ALDH18A1: variants seen among roughly 807,000 people sequenced by gnomAD.
ALDH18A1 encodes delta-1-pyrroline-5-carboxylate synthase.
A neutral mutation model predicts 88.8 loss-of-function variants in ALDH18A1; 44 were observed. The observed-to-expected ratio is 0.50, with a 90% CI of 0.39 to 0.64. ALDH18A1 has a LOEUF of 0.64. Ranked by LOEUF, ALDH18A1 falls within the 30% of genes least tolerant of loss-of-function variation. ALDH18A1 has a pLI of 0.00. For missense variants in ALDH18A1, 782 were observed against 1,009.5 expected (o/e 0.77, Z 3.05); for synonymous variants, 331 against 372.1 (o/e 0.89, Z 1.27).
Position 95,606,335 on chromosome 10 carries a change from T to C in ALDH18A1, c.*427A>G, listed in dbSNP as rs2097822649. 4 of 1,001,832 alleles carry C rather than the reference T, an allele frequency of 4.0e-6. No individual in the cohort carries two copies. The highest frequency in any genetic ancestry group is 4.8e-6 in the Non-Finnish European group (4 of 839,288). 62.1% of individuals were successfully genotyped at this position (1,001,832 alleles called of 1,614,324 possible). On this transcript the variant is annotated 3_prime_UTR_variant, in exon 18 of 18. Coordinates refer to ENST00000371224, the MANE Select transcript of ALDH18A1 (RefSeq NM_002860.4). Reference sequence around the variant, plus strand: ...CTTTTCTAAAATTCCAAATCTTTCCTTTTTGAAGATGACTACATGTGAAAG... The same window carrying C: ...CTTTTCTAAAATTCCAAATCTTTCCCTTTTGAAGATGACTACATGTGAAAG...
intron 2 of ALDH18A1, among the ~76,000 whole-genome samples, chr10:95,646,362 A>G (rs1179967285): frequency 1.3e-5 from 2 of 152,188 alleles, no homozygotes; most frequent in Non-Finnish European, 2.9e-5. Flanking sequence ...GGTGGGTCGC[A>G]TGGTTCAGTG....
intron 3 of ALDH18A1, 122 bp from the exon 4 acceptor site, chr10:95,637,558 T>C (rs1589544526): frequency 5.1e-6 from 6 of 1,182,506 alleles, no homozygotes; most frequent in Non-Finnish European, 7.3e-6. Flanking sequence ...TGAACCAGCA[T>C]GTGGCTGGCT....
intron 16 of ALDH18A1, 101 bp downstream of exon 16, chr10:95,611,155 A>T: frequency 7.3e-7 from 1 of 1,376,216 alleles, no homozygotes; most frequent in Non-Finnish European, 1.0e-6. Context: ...CCATAAGCCT[A>T]CTCAAATGAT....
rs114393346 is a variant in ALDH18A1 at position 95,606,706 on chromosome 10, A to T, written c.*56T>A. 1,566 of 1,613,664 alleles carry T rather than the reference A, an allele frequency of 9.7e-4. 15 individuals carry two copies. In the African/African-American group the frequency reaches 0.018, roughly 19 times the overall value. On this transcript the variant is annotated 3_prime_UTR_variant, in exon 18 of 18. Coordinates refer to ENST00000371224, the MANE Select transcript of ALDH18A1 (RefSeq NM_002860.4). ...ACAAGAGCGGGCTCTCTCCTGAGATAAGACAAGTTTAACGTGAAGACCTTT... is the reference window on the plus strand; with the variant it reads ...ACAAGAGCGGGCTCTCTCCTGAGATTAGACAAGTTTAACGTGAAGACCTTT...
Position 95,611,358 on chromosome 10 carries a change from C to G in ALDH18A1, c.2008G>C (p.Asp670His). 1 of 1,614,192 alleles carries G rather than the reference C, an allele frequency of 6.2e-7. No homozygotes were observed. The highest frequency in any genetic ancestry group is 8.5e-7 in the Non-Finnish European group (1 of 1,180,036). The change falls in exon 16 of 18, where the codon GAC becomes CAC. Residue 670 changes from aspartate to histidine, a missense_variant. By Grantham distance (81) the Asp-to-His change is moderately conservative. Coordinates refer to ENST00000371224, the MANE Select transcript of ALDH18A1 (RefSeq NM_002860.4). ...ACTACTTCAATGCATAATTCCAGGT[C>G]CCCATACTCAGTTCGGAGTGACTTC... The part of the protein sequence containing the change: ...EVKSLRTEYG[D>H]LELCIEVVDN...
chr10:95,652,806 A>G (rs774253608), intron 2 of ALDH18A1, among the ~76,000 whole-genome samples: 1 of 152,084 alleles, frequency 6.6e-6, no homozygotes, highest in African/African-American at 2.4e-5. Context: ...TTTCACCAGG[A>G]GACTACCTCT....
chr10:95,611,113 A>G, intron 16 of ALDH18A1, 143 bp downstream of exon 16: 1 of 960,430 alleles, frequency 1.0e-6, no homozygotes, highest in Non-Finnish European at 1.6e-6. Flanking sequence ...AGCACTCATC[A>G]AAGTACCAAA....
intron 8 of ALDH18A1, 21 bp downstream of exon 8, chr10:95,628,347 G>T: frequency 6.2e-7 from 1 of 1,614,048 alleles, no homozygotes; most frequent in Non-Finnish European, 8.5e-7. Flanking sequence ...GTTATAGGCA[G>T]TTAAGGCACC....
chr10:95,614,320 G>A (rs778401487), intron 13 of ALDH18A1, among the ~76,000 whole-genome samples, 159 bp from the exon 14 acceptor site: 18 of 152,168 alleles, frequency 1.2e-4, no homozygotes, highest in African/African-American at 4.3e-4. Context: ...CCCGATCATG[G>A]GAATCAAAAA....
At chr10:95,608,680 C>T (rs967504175) in intron 17 of ALDH18A1, among the ~76,000 whole-genome samples, 19 of 151,972 alleles carry the variant, frequency 1.3e-4, no homozygotes, top group Non-Finnish European at 2.2e-4. Context: ...TTTTTCATCT[C>T]TGTAGAGAGG....
In ALDH18A1 at chr10:95,606,946, G is replaced by A. The variant is rs149309642; in HGVS notation, c.2207-3C>T. 9,765 of 1,613,784 alleles carry A rather than the reference G, an allele frequency of 6.1e-3. 40 individuals are homozygous for A. Among genetic ancestry groups the A allele is most frequent in the Middle Eastern group, 0.018 (107 of 5,982 alleles). On this transcript the variant is annotated splice_polypyrimidine_tract_variant and splice_region_variant and intron_variant, in intron 17 of 17. Transcript: ENST00000371224. ...TGTACTGATTCCCACTTCAGCTCCT[G>A]TGAAAAAGCATGAATAAAAGATGTA...
intron 13 of ALDH18A1, among the ~76,000 whole-genome samples, chr10:95,614,875 A>C (rs2097841642): frequency 6.6e-6 from 1 of 152,234 alleles, no homozygotes; most frequent in Non-Finnish European, 1.5e-5. Context: ...AGAGAAGAAA[A>C]GATGAACTGT....
At chr10:95,608,044 A>G (rs755546919) in intron 17 of ALDH18A1, among the ~76,000 whole-genome samples, 3 of 152,236 alleles carry the variant, frequency 2.0e-5, no homozygotes, top group South Asian at 2.1e-4. Context: ...ATGAGAATTC[A>G]TCTTGTAGAA....
intron 3 of ALDH18A1, among the ~76,000 whole-genome samples, chr10:95,642,708 G>A (rs1049767146): frequency 1.3e-5 from 2 of 151,714 alleles, no homozygotes; most frequent in South Asian, 2.1e-4. Flanking sequence ...ATTCTACTGC[G>A]TAGTCAGAAC....
At chr10:95,639,798 A>T (rs2097887926) in intron 3 of ALDH18A1, among the ~76,000 whole-genome samples, 1 of 151,896 alleles carries the variant, frequency 6.6e-6, no homozygotes, top group Non-Finnish European at 1.5e-5. Context: ...TCCCCCTTGT[A>T]ATTTTTTGTT....
intron 1 of ALDH18A1, among the ~76,000 whole-genome samples, chr10:95,654,543 T>C (rs2097915042): frequency 6.6e-6 from 1 of 151,976 alleles, no homozygotes; most frequent in Admixed American, 6.6e-5. Context: ...GGTGGATATA[T>C]CCCAGCCCTC....
chr10:95,629,837 C>T (rs1313324119), intron 7 of ALDH18A1, among the ~76,000 whole-genome samples: 1 of 152,122 alleles, frequency 6.6e-6, no homozygotes, highest in Non-Finnish European at 1.5e-5. Context: ...GAATGCCAGT[C>T]TACCAATGAC....
intron 5 of ALDH18A1, among the ~76,000 whole-genome samples, chr10:95,634,074 C>T (rs898162446): frequency 1.3e-5 from 2 of 151,980 alleles, no homozygotes; most frequent in African/African-American, 4.8e-5. Flanking sequence ...TCCACTGCAC[C>T]TGGCCCCAAT....
intron 10 of ALDH18A1, 95 bp from the exon 11 acceptor site, chr10:95,625,550 C>T: frequency 9.5e-7 from 1 of 1,055,094 alleles, no homozygotes; most frequent in Non-Finnish European, 1.5e-6. Context: ...GAGTGCCAGG[C>T]CTTGCTCCCA....
Sources: allele counts gnomAD v4.1 joint callset (sites outside exome capture counted in the v4.1 genomes callset), GRCh38; gene constraint gnomAD v4.1.1; transcripts MANE v1.5; gene names NCBI Gene and HGNC (gene_info 2026-07-23, HGNC 2026-07-21).